Variants in CSMD1 observed in about 807,000 individuals in gnomAD.
The protein encoded by CSMD1 is CUB and sushi domain-containing protein 1.
CSMD1 carries 213 observed loss-of-function variants against 417.5 expected under a neutral mutation model. That is an observed-to-expected ratio of 0.51 (90% CI 0.46 to 0.57). CSMD1 has a LOEUF of 0.57. Ranked by LOEUF, CSMD1 falls within the 20% of genes least tolerant of loss-of-function variation. The probability of loss-of-function intolerance (pLI) is 0.00; values close to 1 mark genes in which losing one functional copy is unlikely to be tolerated. For synonymous variants in CSMD1, 2,862 were observed against 1,736.8 expected (o/e 1.65, Z -16.11); for missense variants, 6,923 against 4,529.7 (o/e 1.53, Z -15.17).
At chr8:3,854,841 A>G (rs987837678) in intron 5 of CSMD1, among the ~76,000 whole-genome samples, 4 of 152,188 alleles carry the variant, frequency 2.6e-5, no homozygotes, top group Non-Finnish European at 5.9e-5. Context: ...AAAACAGGGA[A>G]TTGTTAAATC....
At chr8:3,633,315 A>C (rs967825202) in intron 7 of CSMD1, among the ~76,000 whole-genome samples, 4 of 152,254 alleles carry the variant, frequency 2.6e-5, no homozygotes, top group Admixed American at 6.5e-5. Context: ...GCATCGTGTC[A>C]TACATAAGAC....
chr8:4,919,673 A>G (rs1432205130), intron 1 of CSMD1, among the ~76,000 whole-genome samples: 2 of 152,298 alleles, frequency 1.3e-5, no homozygotes, highest in African/African-American at 2.4e-5. Flanking sequence ...ACTAATTAAC[A>G]TAGGAGGTGT....
intron 8 of CSMD1, among the ~76,000 whole-genome samples, chr8:3,591,513 C>T (rs73660320): frequency 0.014 from 2,192 of 152,188 alleles, 54 homozygotes; most frequent in African/African-American, 0.049. Context: ...TTTGAGGTGA[C>T]TCGAAGATTA....
At chr8:4,519,489 C>G (rs1415129654) in intron 2 of CSMD1, among the ~76,000 whole-genome samples, 9 of 151,750 alleles carry the variant, frequency 5.9e-5, no homozygotes, top group Admixed American at 5.9e-4. Flanking sequence ...CCTGTAACCC[C>G]AGCACTTTGG....
At chr8:4,194,360 A>C (rs1433408924) in intron 3 of CSMD1, among the ~76,000 whole-genome samples, 1 of 152,180 alleles carries the variant, frequency 6.6e-6, no homozygotes, top group African/African-American at 2.4e-5. Flanking sequence ...CTAATTTGCC[A>C]TGTTGATATT....
chr8:4,140,856 C>A (rs1018483697), intron 3 of CSMD1, among the ~76,000 whole-genome samples: 20 of 150,954 alleles, frequency 1.3e-4, no homozygotes, highest in African/African-American at 5.0e-4. Context: ...AATCTCTGCC[C>A]AAGAGGGCAT....
At chr8:3,593,744 T>A (rs1800964108) in intron 8 of CSMD1, among the ~76,000 whole-genome samples, 1 of 152,204 alleles carries the variant, frequency 6.6e-6, no homozygotes, top group Non-Finnish European at 1.5e-5. Flanking sequence ...CAACTTCATA[T>A]ATCCATTTTA....
At chr8:4,465,132 C>A (rs1043539301) in intron 2 of CSMD1, among the ~76,000 whole-genome samples, 1 of 152,124 alleles carries the variant, frequency 6.6e-6, no homozygotes, top group Non-Finnish European at 1.5e-5. Context: ...CCATCTAAGG[C>A]TCAGAATATT....
At chr8:3,403,724 G>A (rs1309705084) in intron 15 of CSMD1, among the ~76,000 whole-genome samples, 1 of 152,196 alleles carries the variant, frequency 6.6e-6, no homozygotes, top group African/African-American at 2.4e-5. Context: ...TTCCAAGTCA[G>A]TGAAATATGC....
intron 7 of CSMD1, among the ~76,000 whole-genome samples, chr8:3,668,478 GA>G (rs1385772808): frequency 6.6e-6 from 1 of 152,142 alleles, no homozygotes; most frequent in Non-Finnish European, 1.5e-5. Flanking sequence ...GAGTTTGGGG[GA>G]TATTACAAGG....
intron 12 of CSMD1, among the ~76,000 whole-genome samples, chr8:3,418,816 G>C (rs1342671320): frequency 1.3e-5 from 2 of 152,142 alleles, no homozygotes; most frequent in South Asian, 4.1e-4. Context: ...GGAAGAATGA[G>C]TCATTTTAAA....
chr8:4,570,376 G>A (rs1798825802), intron 2 of CSMD1, among the ~76,000 whole-genome samples: 1 of 152,162 alleles, frequency 6.6e-6, no homozygotes, highest in South Asian at 2.1e-4. Context: ...GGCCCTGTCT[G>A]CATCTATCGG....
chr8:3,168,350 G>A (rs1176965235), intron 37 of CSMD1, among the ~76,000 whole-genome samples: 2 of 152,146 alleles, frequency 1.3e-5, no homozygotes, highest in Admixed American at 1.3e-4. Flanking sequence ...ACACACAGAT[G>A]AAAATTCCTC....
intron 3 of CSMD1, among the ~76,000 whole-genome samples, chr8:4,159,952 G>C (rs1368848937): frequency 3.9e-5 from 6 of 152,042 alleles, no homozygotes; most frequent in South Asian, 2.1e-4. Flanking sequence ...AAGGGTGGGA[G>C]GGGGTGAGGG....
intron 3 of CSMD1, among the ~76,000 whole-genome samples, chr8:4,113,997 G>C (rs181023599): frequency 2.0e-5 from 3 of 152,174 alleles, no homozygotes; most frequent in Admixed American, 6.5e-5. Context: ...TGTCAATGTA[G>C]AAGCTGCAGC....
At chr8:3,630,800 G>A (rs1285077502) in intron 7 of CSMD1, among the ~76,000 whole-genome samples, 1 of 152,168 alleles carries the variant, frequency 6.6e-6, no homozygotes, top group South Asian at 2.1e-4. Flanking sequence ...AACACATCAC[G>A]ATTTGGAAGG....
intron 3 of CSMD1, among the ~76,000 whole-genome samples, chr8:4,045,193 C>T (rs55892361): frequency 0.038 from 5,831 of 152,196 alleles, 350 homozygotes; most frequent in African/African-American, 0.12. Context: ...AGGTACTCAT[C>T]TCTGAGGAAC....
chr8:3,839,940 G>A (rs749410251), intron 5 of CSMD1, among the ~76,000 whole-genome samples: 3 of 152,032 alleles, frequency 2.0e-5, no homozygotes, highest in Non-Finnish European at 2.9e-5. Context: ...GTGATCTTCT[G>A]CTCTGGATAT....
chr8:4,899,506 T>C (rs1051461562), intron 1 of CSMD1, among the ~76,000 whole-genome samples: 5 of 152,168 alleles, frequency 3.3e-5, no homozygotes, highest in East Asian at 1.9e-4. Flanking sequence ...TTAGATCTCA[T>C]TGTCTCACAA....
Sources: allele counts gnomAD v4.1 joint callset (sites outside exome capture counted in the v4.1 genomes callset), GRCh38; gene constraint gnomAD v4.1.1; transcripts MANE v1.5; gene names NCBI Gene and HGNC (gene_info 2026-07-23, HGNC 2026-07-21).